Variants in MRTFA observed in about 807,000 individuals in gnomAD.
MRTFA encodes the protein myocardin-related transcription factor A.
MRTFA carries 20 observed loss-of-function variants against 83.5 expected under a neutral mutation model. The observed-to-expected ratio is 0.24, with a 90% confidence interval of 0.17 to 0.35. The LOEUF is 0.35. Among genes scored for constraint, MRTFA ranks in the 10% least tolerant of loss-of-function variants. The pLI, the probability that MRTFA is intolerant of heterozygous loss-of-function variation, is 1.00. For synonymous variants in MRTFA, 659 were observed against 541.2 expected (o/e 1.22, Z -3.02); for missense variants, 1,200 against 1,224.7 (o/e 0.98, Z 0.30).
chr22:40,527,665 A>T (rs1167828485), intron 3 of MRTFA, among the ~76,000 whole-genome samples: 10 of 151,574 alleles, frequency 6.6e-5, no homozygotes, highest in Admixed American at 6.6e-4. Flanking sequence ...AGGCTGAGGC[A>T]GGAGAATGGA....
At chr22:40,451,473 A>G (rs1383551879) in intron 4 of MRTFA, among the ~76,000 whole-genome samples, 1 of 152,120 alleles carries the variant, frequency 6.6e-6, no homozygotes, top group Non-Finnish European at 1.5e-5. Context: ...TATCACCCCC[A>G]CCCAAACCAG....
intron 2 of MRTFA, among the ~76,000 whole-genome samples, chr22:40,592,357 A>G (rs1441652378): frequency 6.6e-6 from 1 of 151,830 alleles, no homozygotes; most frequent in Non-Finnish European, 1.5e-5. Context: ...CTGAGGCAGA[A>G]GGATCACTCG....
At chr22:40,506,793 G>A (rs1369432264) in intron 3 of MRTFA, among the ~76,000 whole-genome samples, 1 of 152,136 alleles carries the variant, frequency 6.6e-6, no homozygotes, top group East Asian at 1.9e-4. Flanking sequence ...TTTAAGGAGA[G>A]TTTAAAAATA....
chr22:40,569,020 T>C lies in MRTFA; in HGVS notation c.-21-16653A>G, dbSNP rs571116791. On this transcript the variant is annotated intron_variant, in intron 2 of 14. Transcript: ENST00000355630. The stretch of plus-strand genomic sequence containing the variant: ...AACCACCTGAATGTAATAACTCAGA[T>C]GTCGCATATAACATGAAAAAAATAA... Among the ~76,000 whole-genome samples the C allele has an allele frequency of 4.6e-5, 7 of 152,260 alleles. No individual in the cohort carries two copies. The South Asian group carries it at 1.4e-3, about 32-fold the overall frequency.
chr22:40,503,595 CTT>C (rs1032649144), intron 3 of MRTFA, among the ~76,000 whole-genome samples: 2 of 152,204 alleles, frequency 1.3e-5, no homozygotes, highest in African/African-American at 4.8e-5. Context: ...AACAAATAGT[CTT>C]TATCAAGGCT....
At chr22:40,582,800 C>A (rs2055969405) in intron 2 of MRTFA, among the ~76,000 whole-genome samples, 1 of 152,098 alleles carries the variant, frequency 6.6e-6, no homozygotes, top group Admixed American at 6.6e-5. Flanking sequence ...CCATTAGCTC[C>A]TTTAAGGTTA....
At chr22:40,552,442 C>T in intron 2 of MRTFA, 75 bp from the exon 3 acceptor site, 1 of 395,226 alleles carries the variant, frequency 2.5e-6, no homozygotes, top group Non-Finnish European at 4.5e-6. Context: ...TCACCCAAAT[C>T]TCATCTTGAA....
intron 3 of MRTFA, among the ~76,000 whole-genome samples, chr22:40,493,805 C>T (rs1209861107): frequency 6.6e-6 from 1 of 152,158 alleles, no homozygotes; most frequent in Non-Finnish European, 1.5e-5. Context: ...TAATCCTATT[C>T]CTGAGTATTT....
chr22:40,458,524 C>T (rs1602275722), intron 4 of MRTFA, among the ~76,000 whole-genome samples: 1 of 152,136 alleles, frequency 6.6e-6, no homozygotes, highest in African/African-American at 2.4e-5. Flanking sequence ...CACACTGTGT[C>T]CTACAGATAT....
chr22:40,457,894 G>A (rs1181122416), intron 4 of MRTFA, among the ~76,000 whole-genome samples: 1 of 152,168 alleles, frequency 6.6e-6, no homozygotes, highest in Non-Finnish European at 1.5e-5. Flanking sequence ...GATTTGTCTA[G>A]GTCAGAAAAA....
intron 2 of MRTFA, among the ~76,000 whole-genome samples, chr22:40,565,564 A>G (rs2055690973): frequency 6.6e-6 from 1 of 152,144 alleles, no homozygotes; most frequent in South Asian, 2.1e-4. Flanking sequence ...AAAAAAAACA[A>G]AAGACCTTCT....
At chr22:40,449,751 G>A (rs571262623) in intron 4 of MRTFA, among the ~76,000 whole-genome samples, 1 of 152,294 alleles carries the variant, frequency 6.6e-6, no homozygotes, top group African/African-American at 2.4e-5. Flanking sequence ...TGGCTGTGTG[G>A]GTAAAGAGTT....
intron 3 of MRTFA, among the ~76,000 whole-genome samples, chr22:40,502,518 C>A (rs562084972): frequency 7.0e-6 from 1 of 142,044 alleles, no homozygotes; most frequent in Admixed American, 7.0e-5. Context: ...CTGCGCTCCT[C>A]ACTTCCTAGA....
At chr22:40,547,069 G>A (rs1380539398) in intron 3 of MRTFA, among the ~76,000 whole-genome samples, 1 of 151,920 alleles carries the variant, frequency 6.6e-6, no homozygotes, top group Non-Finnish European at 1.5e-5. Flanking sequence ...GCAGGAGAAT[G>A]GTGTGAACCC....
rs1054066140 is a variant in MRTFA, at chr22:40,410,786, C to G, written c.*604G>C. The G allele has an allele frequency of 1.3e-5, 3 of 232,444 alleles. No individual in the cohort carries two copies. Among genetic ancestry groups the G allele is most frequent in the East Asian group, 6.1e-5 (1 of 16,496 alleles). The allele number at this position is 232,444 out of a possible 1,614,324, so 14.4% of individuals were successfully genotyped here. ...CACCCATCTCCTGTCCGCCCCCCCC[C>G]AAAAATATATATGTATGTCGATATA... On this transcript the variant is annotated 3_prime_UTR_variant, in exon 15 of 15. Coordinates refer to ENST00000355630, the MANE Select transcript of MRTFA (RefSeq NM_020831.6).
intron 4 of MRTFA, among the ~76,000 whole-genome samples, chr22:40,455,461 A>G (rs1378910636): frequency 2.0e-5 from 3 of 151,942 alleles, no homozygotes; most frequent in Non-Finnish European, 4.4e-5. Context: ...CCTGGCTAAC[A>G]CGGTGAAACC....
chr22:40,419,672 G>T (rs756791588), intron 11 of MRTFA, among the ~76,000 whole-genome samples: 1 of 152,214 alleles, frequency 6.6e-6, no homozygotes. Flanking sequence ...CCCCAGCATG[G>T]TGCATGGGCT....
At chr22:40,481,602 GTACACAGAGAAGGCCCTT>G (rs1237219253) in intron 3 of MRTFA, among the ~76,000 whole-genome samples, 5 of 152,008 alleles carry the variant, frequency 3.3e-5, no homozygotes, top group African/African-American at 4.8e-5. Flanking sequence ...TTTAGATAGG[GTACACAGAGAAGGCCCTT>G]TTGAAGAGAC....
At chr22:40,466,527 G>A (rs2053814677) in intron 3 of MRTFA, among the ~76,000 whole-genome samples, 1 of 152,154 alleles carries the variant, frequency 6.6e-6, no homozygotes, top group African/African-American at 2.4e-5. Flanking sequence ...GGAGAGCCAA[G>A]CAGGATAAAA....
Sources: gnomAD v4.1 joint callset for allele counts (sites outside exome capture counted in the v4.1 genomes callset) on GRCh38, gnomAD v4.1.1 for gene constraint, MANE v1.5 for transcripts, NCBI Gene and HGNC (gene_info 2026-07-23, HGNC 2026-07-21) for gene names.